Variants in ALPK1 observed in about 807,000 individuals in gnomAD.
ALPK1 encodes alpha-protein kinase 1.
A neutral mutation model predicts 120.6 loss-of-function variants in ALPK1; 110 were observed. That is an observed-to-expected ratio of 0.91 (90% CI 0.78 to 1.07). The LOEUF (loss-of-function observed/expected upper bound fraction) is 1.07, where lower values mean the gene tolerates loss of function less well. Ranked by LOEUF, ALPK1 falls within the 50% of genes least tolerant of loss-of-function variation. The probability of loss-of-function intolerance (pLI) is 0.00; values close to 1 mark genes in which losing one functional copy is unlikely to be tolerated. For missense variants in ALPK1, 1,498 were observed against 1,483.9 expected, an observed-to-expected ratio of 1.01 and a Z score of -0.16; for synonymous variants, 582 against 560.3, an observed-to-expected ratio of 1.04 and a Z score of -0.55.
At chr4:112,436,625 C>T (rs1261771216) in intron 12 of ALPK1, among the ~76,000 whole-genome samples, 1 of 152,176 alleles carries the variant, frequency 6.6e-6, no homozygotes, top group African/African-American at 2.4e-5. Flanking sequence ...GTTATGTTGC[C>T]TCATAGCAGA....
chr4:112,374,845 C>T (rs1731581766), intron 2 of ALPK1, among the ~76,000 whole-genome samples: 1 of 152,194 alleles, frequency 6.6e-6, no homozygotes, highest in African/African-American at 2.4e-5. Flanking sequence ...CAACAGGGCA[C>T]TTAAAATATT....
chr4:112,332,542 G>A (rs1729429853), intron 2 of ALPK1, among the ~76,000 whole-genome samples: 1 of 152,144 alleles, frequency 6.6e-6, no homozygotes, highest in South Asian at 2.1e-4. Flanking sequence ...CATGGCCATG[G>A]TCTATGTCCT....
chr4:112,403,206 C>T (rs1031841244), intron 4 of ALPK1, among the ~76,000 whole-genome samples: 4 of 151,468 alleles, frequency 2.6e-5, no homozygotes, highest in African/African-American at 7.3e-5. Context: ...GTGCCCCCCG[C>T]CCCCTCCCCG....
intron 2 of ALPK1, among the ~76,000 whole-genome samples, chr4:112,329,411 A>G (rs1319324598): frequency 6.6e-6 from 1 of 152,142 alleles, no homozygotes; most frequent in Non-Finnish European, 1.5e-5. Flanking sequence ...TAGAAACTAC[A>G]ATGTTTGTGT....
At chr4:112,428,706 C>T (rs570438861) in intron 9 of ALPK1, among the ~76,000 whole-genome samples, 1 of 152,292 alleles carries the variant, frequency 6.6e-6, no homozygotes, top group African/African-American at 2.4e-5. Context: ...AGAAAGTAAG[C>T]TCCTTGAGGG....
intron 2 of ALPK1, chr4:112,358,549 T>G (rs2148715302): frequency 1.4e-6 from 1 of 699,722 alleles, no homozygotes; most frequent in East Asian, 2.7e-5. Context: ...ATATGGAGTA[T>G]GAGCAGGAGC....
chr4:112,394,153 A>G (rs955482986), intron 4 of ALPK1, among the ~76,000 whole-genome samples: 2 of 152,000 alleles, frequency 1.3e-5, no homozygotes, highest in East Asian at 1.9e-4. Context: ...CGGGTTTCCT[A>G]CTCCTAAATG....
intron 5 of ALPK1, 29 bp downstream of exon 5, chr4:112,412,054 C>T (rs778174100): frequency 1.2e-6 from 2 of 1,611,394 alleles, no homozygotes; most frequent in East Asian, 2.2e-5. Flanking sequence ...GCCGCCCCCG[C>T]GTCCTCAGTG....
In ALPK1 at chr4:112,382,492, G is replaced by A. The variant is rs745385882; in HGVS notation, c.216G>A (p.Val72=). The change falls in exon 4 of 16, where the codon GTG becomes GTA. Residue 72 remains valine (V), a synonymous_variant. Coordinates refer to ENST00000650871, the MANE Select transcript of ALPK1 (RefSeq NM_025144.4). ...AAAAGTGGCAGTACAAACAAGCCGT[G>A]GGCCCAGAGGACAAAACAAACCTGA... is the stretch of plus-strand genomic sequence containing the variant. The part of the protein sequence containing the change: ...VPEKWQYKQA[V]GPEDKTNLKD... 1 of 1,614,062 alleles carries A rather than the reference G, an allele frequency of 6.2e-7. No individual in the cohort carries two copies. The highest frequency in any genetic ancestry group is 1.1e-5 in the South Asian group (1 of 91,072).
Position 112,431,697 on chromosome 4 carries a change from A to T in ALPK1, c.2150A>T (p.Tyr717Phe). 1 of 1,614,166 alleles carries T rather than the reference A, an allele frequency of 6.2e-7. No individual in the cohort carries two copies. The highest frequency in any genetic ancestry group is 8.5e-7 in the Non-Finnish European group (1 of 1,180,030). The stretch of plus-strand genomic sequence containing the variant: ...ACTTCTGCTCACTCCAGACCCTCAT[A>T]TCGTTCTGCTTCTTGGTCTTCTGAT... ...RNTSAHSRPSYRSASWSSDSG... is the reference protein window; with the variant it reads ...RNTSAHSRPSFRSASWSSDSG... The change falls in exon 11 of 16, where the codon TAT becomes TTT. Residue 717 changes from tyrosine to phenylalanine, a missense_variant. Tyr to Phe is a conservative substitution (Grantham distance 22). Transcript: ENST00000650871.
intron 5 of ALPK1, among the ~76,000 whole-genome samples, chr4:112,419,253 G>A (rs542601120): frequency 9.2e-5 from 14 of 152,190 alleles, no homozygotes; most frequent in African/African-American, 2.2e-4. Context: ...CCATGATTTC[G>A]ATACTAATTT....
chr4:112,378,196 G>C (rs185667498), intron 3 of ALPK1, among the ~76,000 whole-genome samples: 4 of 152,198 alleles, frequency 2.6e-5, no homozygotes, highest in East Asian at 3.8e-4. Context: ...GCTGGTGCAC[G>C]TAAATTTCAA....
intron 2 of ALPK1, among the ~76,000 whole-genome samples, chr4:112,375,047 C>T: frequency 6.6e-6 from 1 of 152,134 alleles, no homozygotes; most frequent in South Asian, 2.1e-4. Context: ...TCCTTTGGAG[C>T]TTTGAAGCCA....
chr4:112,329,031 T>A (rs1005693915), intron 2 of ALPK1, among the ~76,000 whole-genome samples: 1 of 152,208 alleles, frequency 6.6e-6, no homozygotes, highest in Admixed American at 6.5e-5. Flanking sequence ...TCCCCACAAA[T>A]GTGTGCTTCT....
chr4:112,419,135 T>A (rs886832910), intron 5 of ALPK1, among the ~76,000 whole-genome samples: 5 of 152,328 alleles, frequency 3.3e-5, no homozygotes, highest in Admixed American at 3.3e-4. Flanking sequence ...TAGAAATATA[T>A]CTTTTAAGAA....
In ALPK1 at chr4:112,377,725, C is replaced by T. The variant is rs775535773; in HGVS notation, c.-53C>T. On this transcript the variant is annotated 5_prime_UTR_variant, in exon 3 of 16. Transcript: ENST00000650871. ...CCTTTATTGAGAATCAATGTCTTCTCCTAGGTAATTGATCACCCTAGACCC... is the reference window on the plus strand; with the variant it reads ...CCTTTATTGAGAATCAATGTCTTCTTCTAGGTAATTGATCACCCTAGACCC... 666 of 1,468,008 alleles carry T rather than the reference C, an allele frequency of 4.5e-4. 2 individuals carry two copies. Among genetic ancestry groups the T allele is most frequent in the Non-Finnish European group, 3.2e-4 (346 of 1,093,014 alleles). The allele number at this position is 1,468,008 out of a possible 1,614,324, so 90.9% of individuals were successfully genotyped here. A position where few individuals can be genotyped will look rare whatever the true frequency, so the allele number is the denominator to read the frequency against.
rs748912547 is a variant in ALPK1 at position 112,426,474 on chromosome 4, G to T, written c.630G>T (p.Trp210Cys). The T allele has an allele frequency of 1.2e-6, 2 of 1,607,236 alleles. No individual in the cohort carries two copies. The highest frequency in any genetic ancestry group is 1.7e-6 in the Non-Finnish European group (2 of 1,177,110). ...CCCTCTTTTTTTTTTCAGGGATGTG[G>T]TACGAAGCAGCAGAGTTAATATGGG... The part of the protein sequence containing the change: ...RGQILQKLGM[W>C]YEAAELIWAS... The change falls in exon 8 of 16, where the codon TGG becomes TGT. Residue 210 changes from tryptophan (W) to cysteine (C), a missense_variant. Physicochemically the swap from Trp to Cys is radical, Grantham distance 215 (BLOSUM62 -2). Coordinates refer to ENST00000650871, the MANE Select transcript of ALPK1 (RefSeq NM_025144.4).
intron 7 of ALPK1, 142 bp downstream of exon 7, chr4:112,425,893 C>A: frequency 1.7e-6 from 1 of 593,836 alleles, no homozygotes; most frequent in East Asian, 3.1e-5. Flanking sequence ...AAGAGAATGG[C>A]ATTTAAGATC....
intron 2 of ALPK1, chr4:112,356,077 C>A: frequency 2.0e-6 from 2 of 1,007,710 alleles, no homozygotes; most frequent in Non-Finnish European, 3.2e-6. Context: ...TTTTTTCTCA[C>A]AGACCCGAAT....
Sources: allele counts gnomAD v4.1 joint callset (sites outside exome capture counted in the v4.1 genomes callset), GRCh38; gene constraint gnomAD v4.1.1; transcripts MANE v1.5; gene names NCBI Gene and HGNC (gene_info 2026-07-23, HGNC 2026-07-21).